The following CHSY1 variants were observed in gnomAD, a reference collection of about 807,000 sequenced individuals.
CHSY1 encodes chondroitin sulfate synthase 1, also known as N-acetylgalactosaminyl-proteoglycan 3-beta-glucuronosyltransferase 1.
Under a neutral mutation model 59.8 loss-of-function variants are expected in CHSY1, and 13 were observed. That is an observed-to-expected ratio of 0.22 (90% confidence interval 0.14 to 0.35). CHSY1 has a LOEUF of 0.35. Ranked by LOEUF, CHSY1 falls within the 10% of genes least tolerant of loss-of-function variation. The pLI, the probability that CHSY1 is intolerant of heterozygous loss-of-function variation, is 1.00. For synonymous variants in CHSY1, 459 were observed against 401.2 expected, an observed-to-expected ratio of 1.14 and a Z score of -1.72; for missense variants, 947 against 1,030.6, an observed-to-expected ratio of 0.92 and a Z score of 1.11.
At chr15:101,188,247 G>A (rs182333997) in intron 2 of CHSY1, 60 of 951,110 alleles carry the variant, frequency 6.3e-5, no homozygotes, top group African/African-American at 3.9e-4. Context: ...GAAAGTAAGC[G>A]TTGTCTAAAT....
At chr15:101,245,538 G>A (rs772863260) in intron 1 of CHSY1, among the ~76,000 whole-genome samples, 18 of 152,288 alleles carry the variant, frequency 1.2e-4, no homozygotes, top group Middle Eastern at 3.4e-3. Context: ...AGAGACTAGG[G>A]CCCTGTATTT....
intron 2 of CHSY1, among the ~76,000 whole-genome samples, chr15:101,232,155 C>T (rs990443050): frequency 2.0e-5 from 3 of 152,066 alleles, no homozygotes; most frequent in African/African-American, 7.2e-5. Context: ...TTTCTACTCG[C>T]CAAAAAAAAC....
intron 1 of CHSY1, among the ~76,000 whole-genome samples, chr15:101,250,089 G>A (rs1488269397): frequency 6.6e-6 from 1 of 152,154 alleles, no homozygotes; most frequent in Non-Finnish European, 1.5e-5. Context: ...TTTAAAAACT[G>A]AAGTGTAAAG....
chr15:101,201,536 G>A (rs1339838471), intron 2 of CHSY1, among the ~76,000 whole-genome samples: 5 of 152,206 alleles, frequency 3.3e-5, no homozygotes, highest in African/African-American at 9.7e-5. Context: ...TTGGTGGAGC[G>A]GCAGGGCTGC....
chr15:101,191,801 A>C (rs1297250966), intron 2 of CHSY1, among the ~76,000 whole-genome samples: 1 of 152,198 alleles, frequency 6.6e-6, no homozygotes, highest in Non-Finnish European at 1.5e-5. Context: ...ATCTATGTTA[A>C]GTAGATTGTA....
At position 101,209,732 on chromosome 15, in the gene CHSY1, T is replaced by C. The variant is rs555235459; in HGVS notation, c.816+25350A>G. Among the ~76,000 whole-genome samples, 9 of 152,172 alleles carry C rather than the reference T, an allele frequency of 5.9e-5. No homozygotes were observed. In the East Asian group the frequency reaches 1.7e-3, roughly 29 times the overall value. ...TTTAATTCTCAGGGCAGGTTATAAA[T>C]AGTGAATCAGAAACTGTTCCAACAG... On this transcript the variant is annotated intron_variant, in intron 2 of 2. Coordinates refer to ENST00000254190, the MANE Select transcript of CHSY1 (RefSeq NM_014918.5).
intron 2 of CHSY1, among the ~76,000 whole-genome samples, chr15:101,225,091 C>T (rs546386718): frequency 8.5e-5 from 13 of 152,350 alleles, no homozygotes; most frequent in South Asian, 2.1e-4. Flanking sequence ...CTGTGCTTTC[C>T]CATACAGCTT....
intron 1 of CHSY1, among the ~76,000 whole-genome samples, chr15:101,246,032 G>T (rs1259308836): frequency 5.3e-5 from 8 of 152,208 alleles, no homozygotes; most frequent in Admixed American, 2.6e-4. Context: ...TAGAGGAACA[G>T]TCCGTCTTCA....
intron 1 of CHSY1, among the ~76,000 whole-genome samples, chr15:101,247,332 T>C (rs1001526944): frequency 2.6e-5 from 4 of 152,158 alleles, no homozygotes; most frequent in African/African-American, 9.7e-5. Flanking sequence ...TGATCAAATC[T>C]CAGCCCAAAT....
At chr15:101,209,822 A>G (rs1165686883) in intron 2 of CHSY1, among the ~76,000 whole-genome samples, 2 of 152,238 alleles carry the variant, frequency 1.3e-5, no homozygotes, top group Admixed American at 6.5e-5. Context: ...AGATGTGAGG[A>G]CAACACTATA....
chr15:101,246,106 C>G (rs1191389592), intron 1 of CHSY1, among the ~76,000 whole-genome samples: 1 of 152,196 alleles, frequency 6.6e-6, no homozygotes, highest in East Asian at 1.9e-4. Flanking sequence ...TCCTATATCT[C>G]TAGGTAATGC....
At chr15:101,187,975 T>A (rs969510898) in intron 2 of CHSY1, 1 of 971,082 alleles carries the variant, frequency 1.0e-6, no homozygotes, top group Admixed American at 6.2e-5. Context: ...CCATATCTAA[T>A]CTTTGGTTAA....
At chr15:101,205,898 G>A (rs2038621069) in intron 2 of CHSY1, among the ~76,000 whole-genome samples, 1 of 152,020 alleles carries the variant, frequency 6.6e-6, no homozygotes, top group African/African-American at 2.4e-5. Flanking sequence ...CTTGCAGTGA[G>A]CCGAGATAGC....
intron 2 of CHSY1, chr15:101,187,487 AAAC>A (rs373923105): frequency 2.5e-5 from 3 of 122,308 alleles, no homozygotes; most frequent in South Asian, 4.9e-4. Flanking sequence ...TCAAAAAAGA[AAAC>A]AAACAAACAA....
intron 2 of CHSY1, among the ~76,000 whole-genome samples, chr15:101,234,565 T>C (rs904515282): frequency 6.6e-6 from 1 of 152,120 alleles, no homozygotes; most frequent in Non-Finnish European, 1.5e-5. Context: ...ATTAACTAAG[T>C]ATTAGGACAA....
rs116643984 is a variant in CHSY1, at chr15:101,251,007, C to A, written c.320+130G>T. The A allele has an allele frequency of 0.15, 132,223 of 882,270 alleles. 10,725 individuals are homozygous for A. Among genetic ancestry groups the A allele is most frequent in the Middle Eastern group, 0.18 (531 of 2,996 alleles). 54.7% of individuals were successfully genotyped at this position (882,270 alleles called of 1,614,324 possible). ...CCTCGGCCCGGCGTCTCCCGAGAGG[C>A]AACCCGATCCCGCCGGAAGCCCAAG... On this transcript the variant is annotated intron_variant, in intron 1 of 2. Coordinates refer to ENST00000254190, the MANE Select transcript of CHSY1 (RefSeq NM_014918.5).
At chr15:101,243,090 C>T (rs2039018324) in intron 1 of CHSY1, among the ~76,000 whole-genome samples, 1 of 152,098 alleles carries the variant, frequency 6.6e-6, no homozygotes. Context: ...TTACAGCCTC[C>T]CACTTCAACA....
rs1483483489 is a variant in CHSY1 at position 101,176,374 on chromosome 15, GTGTA to G, written c.*1010_*1013del. On this transcript the variant is annotated 3_prime_UTR_variant, in exon 3 of 3. Transcript: ENST00000254190. ...CCAACGTTTTGATTAGGGTGTATGT[GTGTA>G]TGTTTCAGTCTGTGTACATCAGATT... 1.3e-5 allele frequency: 5 copies of G among 398,444 alleles called. No homozygotes were observed. Among genetic ancestry groups the G allele is most frequent in the Admixed American group, 8.8e-5 (2 of 22,720 alleles). 24.7% of individuals were successfully genotyped at this position (398,444 alleles called of 1,614,324 possible). A position where few individuals can be genotyped will look rare whatever the true frequency, so the allele number is the denominator to read the frequency against.
intron 2 of CHSY1, among the ~76,000 whole-genome samples, chr15:101,196,229 C>CAAAAAAAAAAA (rs533785067): frequency 1.2e-5 from 1 of 81,078 alleles, no homozygotes; most frequent in African/African-American, 5.0e-5. Context: ...GAAGCAGTCT[C>CAAAAAAAAAAA]AAAAAAAAAA....
Sources: gnomAD v4.1 joint callset for allele counts (sites outside exome capture counted in the v4.1 genomes callset) on GRCh38, gnomAD v4.1.1 for gene constraint, MANE v1.5 for transcripts, NCBI Gene and HGNC (gene_info 2026-07-23, HGNC 2026-07-21) for gene names.